The following EYS variants were observed in gnomAD, a reference collection of about 807,000 sequenced individuals.
EYS encodes the protein EGF-like photoreceptor maintenance factor, also known as protein eyes shut homolog.
Under a neutral mutation model 282.1 loss-of-function variants are expected in EYS, and 250 were observed. That is an observed-to-expected ratio of 0.89 (90% CI 0.80 to 0.98). The LOEUF (loss-of-function observed/expected upper bound fraction) is 0.98, where lower values mean the gene tolerates loss of function less well. Among genes scored for constraint, EYS ranks in the 50% least tolerant of loss-of-function variants. The pLI, the probability that EYS is intolerant of heterozygous loss-of-function variation, is 0.00. For synonymous variants in EYS, 1,355 were observed against 1,282.9 expected (o/e 1.06, Z -1.20); for missense variants, 4,016 against 3,709.0 (o/e 1.08, Z -2.15).
chr6:64,935,159 A>G (rs1315007044), intron 15 of EYS, among the ~76,000 whole-genome samples: 1 of 151,844 alleles, frequency 6.6e-6, no homozygotes, highest in Non-Finnish European at 1.5e-5. Flanking sequence ...AATAAATGTA[A>G]CAAGGGTGTT....
At chr6:64,428,990 C>G (rs1315263192) in intron 28 of EYS, among the ~76,000 whole-genome samples, 2 of 152,008 alleles carry the variant, frequency 1.3e-5, no homozygotes, top group African/African-American at 2.4e-5. Context: ...ATTCTCAAAA[C>G]TCTTGAGGTC....
chr6:64,836,001 T>C (rs1377069253), intron 19 of EYS, among the ~76,000 whole-genome samples: 1 of 151,588 alleles, frequency 6.6e-6, no homozygotes. Flanking sequence ...CCATTTTTAT[T>C]GTAAAAACAT....
chr6:65,266,388 C>T (rs536126155), intron 12 of EYS, among the ~76,000 whole-genome samples: 3 of 151,818 alleles, frequency 2.0e-5, no homozygotes, highest in South Asian at 2.1e-4. Flanking sequence ...TCTATGAAGG[C>T]GGAACTCCAT....
intron 26 of EYS, among the ~76,000 whole-genome samples, chr6:64,533,554 G>C (rs35505241): frequency 0.26 from 40,140 of 151,830 alleles, 5,798 homozygotes; most frequent in East Asian, 0.36. Flanking sequence ...TCTTTAAAAT[G>C]CTGGAAAAAC....
intron 26 of EYS, among the ~76,000 whole-genome samples, chr6:64,557,463 G>A (rs1337558123): frequency 6.6e-6 from 1 of 151,876 alleles, no homozygotes; most frequent in African/African-American, 2.4e-5. Flanking sequence ...TTACTGAATT[G>A]TCAATCTTAT....
chr6:65,534,742 C>A (rs1767903988), intron 2 of EYS, among the ~76,000 whole-genome samples: 1 of 152,116 alleles, frequency 6.6e-6, no homozygotes, highest in African/African-American at 2.4e-5. Context: ...AAGCCTTCCC[C>A]TTTTTCCACC....
chr6:64,561,918 CCA>C (rs1765405877), intron 26 of EYS, among the ~76,000 whole-genome samples: 1 of 89,460 alleles, frequency 1.1e-5, no homozygotes. Flanking sequence ...TCACATGGAA[CCA>C]AAAAAAAAAA....
At chr6:65,377,868 C>T (rs1290854227) in intron 8 of EYS, among the ~76,000 whole-genome samples, 3 of 151,958 alleles carry the variant, frequency 2.0e-5, no homozygotes, top group Non-Finnish European at 2.9e-5. Flanking sequence ...GAAGTCAAAT[C>T]GTGAATAGAC....
At chr6:64,320,635 T>G (rs945420735) in intron 29 of EYS, among the ~76,000 whole-genome samples, 4 of 151,774 alleles carry the variant, frequency 2.6e-5, no homozygotes, top group Non-Finnish European at 4.4e-5. Flanking sequence ...TTTAAAGTCT[T>G]TTACGTTGAT....
At chr6:64,830,703 A>C (rs1292654180) in intron 19 of EYS, among the ~76,000 whole-genome samples, 1 of 151,984 alleles carries the variant, frequency 6.6e-6, no homozygotes, top group Non-Finnish European at 1.5e-5. Flanking sequence ...AGGAAGAGAC[A>C]AATTATAATT....
chr6:65,685,883 T>C (rs1158812330), intron 1 of EYS, among the ~76,000 whole-genome samples: 5 of 152,062 alleles, frequency 3.3e-5, no homozygotes, highest in African/African-American at 2.4e-5. Flanking sequence ...TTCTAAACAT[T>C]AAATTCATAT....
intron 5 of EYS, among the ~76,000 whole-genome samples, chr6:65,443,642 T>G (rs1282716920): frequency 7.0e-6 from 1 of 143,340 alleles, no homozygotes; most frequent in Non-Finnish European, 1.6e-5. Context: ...TAGAGGCACA[T>G]ATATGTGTCT....
chr6:64,674,125 C>T lies in EYS; in HGVS notation c.3444-47880G>A, dbSNP rs138047763. ...TAAAAGTTGCATAGAGGCCTATGAA[C>T]TTCAATAAATATTTAAAATCTATTC... On this transcript the variant is annotated intron_variant, in intron 22 of 42. Coordinates refer to ENST00000503581, the MANE Select transcript of EYS (RefSeq NM_001142800.2). 2.0e-5 allele frequency among the ~76,000 whole-genome samples: 3 copies of T among 152,128 alleles called. No individual in the cohort carries two copies. In the East Asian group the frequency reaches 5.8e-4, roughly 29 times the overall value.
chr6:65,061,978 C>A lies in EYS; in HGVS notation c.2024-4251G>T, dbSNP rs569098360. ...AAATCCTGAATTTGCTTCCTGTTTT[C>A]TCCTGTCCATTGGATGTCACCTTTA... On this transcript the variant is annotated intron_variant, in intron 12 of 42. Coordinates refer to ENST00000503581, the MANE Select transcript of EYS (RefSeq NM_001142800.2). Among the ~76,000 whole-genome samples, 3 of 151,972 alleles carry A rather than the reference C, an allele frequency of 2.0e-5. No homozygotes were observed. In the South Asian group the frequency reaches 6.2e-4, roughly 31 times the overall value.
intron 36 of EYS, among the ~76,000 whole-genome samples, chr6:63,851,003 A>G (rs916359061): frequency 6.6e-6 from 1 of 152,216 alleles, no homozygotes; most frequent in Non-Finnish European, 1.5e-5. Context: ...ATGGAAAGCA[A>G]AAAGAAGCAG....
chr6:65,578,217 A>ATATG (rs1406086909), intron 2 of EYS, among the ~76,000 whole-genome samples: 2 of 151,208 alleles, frequency 1.3e-5, no homozygotes, highest in African/African-American at 2.4e-5. Context: ...AAATATATAT[A>ATATG]TATACACACA....
chr6:65,698,230 T>C (rs1769529233), intron 1 of EYS, among the ~76,000 whole-genome samples: 1 of 152,182 alleles, frequency 6.6e-6, no homozygotes, highest in East Asian at 1.9e-4. Context: ...CATAGATGAC[T>C]TGCATTAAAA....
intron 5 of EYS, among the ~76,000 whole-genome samples, chr6:65,410,010 T>C (rs887605826): frequency 6.6e-6 from 1 of 152,090 alleles, no homozygotes; most frequent in Non-Finnish European, 1.5e-5. Flanking sequence ...TATGTATTTC[T>C]CCATGTTATG....
intron 35 of EYS, among the ~76,000 whole-genome samples, chr6:63,940,628 C>T (rs1765206045): frequency 1.3e-5 from 2 of 150,898 alleles, no homozygotes; most frequent in South Asian, 4.2e-4. Flanking sequence ...TCGCAGATGC[C>T]ATTAAGAAAA....
Sources: gnomAD v4.1 joint callset for allele counts (sites outside exome capture counted in the v4.1 genomes callset) on GRCh38, gnomAD v4.1.1 for gene constraint, MANE v1.5 for transcripts, NCBI Gene and HGNC (gene_info 2026-07-23, HGNC 2026-07-21) for gene names.